The following TDRD7 variants were observed in gnomAD, a reference collection of about 807,000 sequenced individuals.
TDRD7 encodes the protein tudor domain containing 7.
In TDRD7, 47 loss-of-function variants were observed where a neutral mutation model predicts 109.8. The ratio of observed to expected loss-of-function variants is 0.43; its 90% CI spans 0.34 to 0.55. The LOEUF is 0.55. Among genes scored for constraint, TDRD7 ranks in the 20% least tolerant of loss-of-function variants. The pLI is 0.03. For missense variants in TDRD7, 1,164 were observed against 1,319.2 expected (o/e 0.88, Z 1.82); for synonymous variants, 424 against 457.3 (o/e 0.93, Z 0.93).
Position 97,432,204 on chromosome 9 carries a change from G to C in TDRD7, c.529G>C (p.Val177Leu). ...AAATGAAGCATTCAAAGACATTCCA[G>C]TGCAAAGGCATGTGACCATGTCCAC... ...LGNEAFKDIP[V>L]QRHVTMSTNN... The change falls in exon 4 of 17, where the codon GTG becomes CTG. Residue 177 changes from valine (V) to leucine (L), a missense_variant. By Grantham distance (32) the Val-to-Leu change is conservative. This residue lies in a region of TDRD7 where 407 missense variants were observed against 394.0 expected (regional missense o/e 1.03). Transcript: ENST00000355295. 1.2e-6 allele frequency: 2 copies of C among 1,613,774 alleles called. No individual in the cohort carries two copies. Among genetic ancestry groups the C allele is most frequent in the Non-Finnish European group, 1.7e-6 (2 of 1,179,732 alleles).
At chr9:97,482,815 G>A (rs1280625614) in intron 14 of TDRD7, 34 bp from the exon 15 acceptor site, 3 of 1,610,284 alleles carry the variant, frequency 1.9e-6, no homozygotes, top group African/African-American at 1.3e-5. Flanking sequence ...ATGTGAACTT[G>A]TATTTCTTAT....
intron 9 of TDRD7, among the ~76,000 whole-genome samples, chr9:97,471,724 A>G (rs566661518): frequency 5.2e-4 from 79 of 152,344 alleles, no homozygotes; most frequent in African/African-American, 1.8e-3. Flanking sequence ...ATAATTTTCT[A>G]AGAATTTAAA....
chr9:97,445,574 G>A (rs1367396709), intron 6 of TDRD7, among the ~76,000 whole-genome samples: 2 of 152,198 alleles, frequency 1.3e-5, no homozygotes, highest in African/African-American at 2.4e-5. Context: ...GTTAGTGTGA[G>A]TTAGGTAAAG....
intron 6 of TDRD7, among the ~76,000 whole-genome samples, chr9:97,450,974 C>T (rs1044245748): frequency 2.0e-5 from 3 of 151,004 alleles, no homozygotes; most frequent in African/African-American, 4.9e-5. Context: ...TGGGGCTGGT[C>T]ACCAGAAAGA....
Position 97,431,170 on chromosome 9 carries a change from T to C in TDRD7, c.349+96T>C, listed in dbSNP as rs1828098354. The C allele has an allele frequency of 3.2e-6, 5 of 1,547,070 alleles. No homozygotes were observed. The South Asian group carries it at 5.6e-5, about 17-fold the overall frequency. On this transcript the variant is annotated intron_variant, in intron 3 of 16. Transcript: ENST00000355295. ...TATTGTTTGTATTATGATAAATACT[T>C]GTATCTGTTAACATACATATGTCAG...
chr9:97,435,467 TAAAAA>T (rs11314747), intron 4 of TDRD7, among the ~76,000 whole-genome samples: 1 of 131,128 alleles, frequency 7.6e-6, no homozygotes, highest in South Asian at 2.5e-4. Context: ...TCATCTCTAC[TAAAAA>T]AAAAAAAAAA....
intron 4 of TDRD7, among the ~76,000 whole-genome samples, chr9:97,433,526 A>T (rs533191449): frequency 2.0e-5 from 3 of 152,258 alleles, no homozygotes; most frequent in Non-Finnish European, 4.4e-5. Flanking sequence ...ATGGGATTAC[A>T]TCAAGCTAAA....
At chr9:97,465,049 C>A in intron 8 of TDRD7, 21 bp downstream of exon 8, 1 of 1,609,258 alleles carries the variant, frequency 6.2e-7, no homozygotes, top group South Asian at 1.1e-5. Context: ...TTTACTTTGT[C>A]ATAGCATTAT....
At chr9:97,465,434 C>T (rs1828807545) in intron 8 of TDRD7, among the ~76,000 whole-genome samples, 1 of 152,216 alleles carries the variant, frequency 6.6e-6, no homozygotes, top group Non-Finnish European at 1.5e-5. Flanking sequence ...GTAGCCAAGA[C>T]ACAGGTCCTT....
chr9:97,419,511 A>C (rs1420132014), intron 1 of TDRD7, among the ~76,000 whole-genome samples: 1 of 152,204 alleles, frequency 6.6e-6, no homozygotes, highest in Non-Finnish European at 1.5e-5. Flanking sequence ...TTCAGCATTG[A>C]CATCTGGCAA....
intron 8 of TDRD7, among the ~76,000 whole-genome samples, chr9:97,465,797 ACTT>A (rs1828813665): frequency 6.6e-6 from 1 of 152,050 alleles, no homozygotes; most frequent in African/African-American, 2.4e-5. Context: ...TGGGCCTGCT[ACTT>A]GATAGAGAAT....
Position 97,412,776 on chromosome 9 carries a change from A to G in TDRD7, c.-7+538A>G, listed in dbSNP as rs1015906521. Among the ~76,000 whole-genome samples the G allele has an allele frequency of 6.6e-6, 1 of 152,122 alleles. No homozygotes were observed. The highest frequency in any genetic ancestry group is 1.5e-5 in the Non-Finnish European group (1 of 68,018). On this transcript the variant is annotated intron_variant, in intron 1 of 16. Transcript: ENST00000355295. This position sits in a 1 kb window ranked among gnomAD's most constrained non-coding sequence, Gnocchi z 4.3. ...TAAGTAATGCAGGACACACATCCCC[A>G]TTTCTCTCAAACGAGGAGCACCCAG...
intron 12 of TDRD7, among the ~76,000 whole-genome samples, chr9:97,475,682 T>A (rs1159972992): frequency 6.6e-6 from 1 of 152,212 alleles, no homozygotes; most frequent in Non-Finnish European, 1.5e-5. Context: ...CAGTTTCATT[T>A]GTGTTTTTCT....
intron 6 of TDRD7, among the ~76,000 whole-genome samples, chr9:97,458,805 A>G (rs1056738713): frequency 2.0e-5 from 3 of 152,220 alleles, no homozygotes; most frequent in African/African-American, 7.2e-5. Flanking sequence ...CAAGTTGCCT[A>G]TGTCTTTTAA....
chr9:97,436,801 A>G (rs1264168457), intron 4 of TDRD7, among the ~76,000 whole-genome samples: 3 of 152,132 alleles, frequency 2.0e-5, no homozygotes, highest in Non-Finnish European at 4.4e-5. Context: ...CAGTCATTAC[A>G]CAATCCTTTC....
At position 97,429,418 on chromosome 9, in the gene TDRD7, G is replaced by A. The variant is rs571756787; in HGVS notation, c.207+746G>A. On this transcript the variant is annotated intron_variant, in intron 2 of 16. Coordinates refer to ENST00000355295, the MANE Select transcript of TDRD7 (RefSeq NM_014290.3). ...CACCCACACCCCCTCATACACTATG[G>A]TTTCCTGGGTATGTTTCTACATGTG... Among the ~76,000 whole-genome samples, 6 of 152,222 alleles carry A rather than the reference G, an allele frequency of 3.9e-5. No individual in the cohort carries two copies. The East Asian group carries it at 1.2e-3, about 29-fold the overall frequency.
At chr9:97,469,883 C>CCT (rs1182242610) in intron 8 of TDRD7, among the ~76,000 whole-genome samples, 1 of 152,170 alleles carries the variant, frequency 6.6e-6, no homozygotes, top group Non-Finnish European at 1.5e-5. Flanking sequence ...CAAACACAGA[C>CCT]CTCTGTTCAG....
chr9:97,473,303 A>G (rs1828954126), intron 10 of TDRD7, among the ~76,000 whole-genome samples, 189 bp from the exon 11 acceptor site: 1 of 152,190 alleles, frequency 6.6e-6, no homozygotes, highest in African/African-American at 2.4e-5. Flanking sequence ...CATTTCTTTT[A>G]AAAAGAAAAG....
chr9:97,473,503 G>C lies in TDRD7; in HGVS notation c.1956G>C (p.Met652Ile). ...SLEVHLQVDA[M>I]YTNVKVTNIC... ...TTTGTCTGTTATAGGTTGACGCCAT[G>C]TACACAAATGTCAAAGTAACTAATA... Residue 652 changes from methionine (M) to isoleucine (I), a missense_variant, in exon 11 of 17, where the codon ATG becomes ATC. Physicochemically the swap from Met to Ile is conservative, Grantham distance 10 (BLOSUM62 1). Coordinates refer to ENST00000355295, the MANE Select transcript of TDRD7 (RefSeq NM_014290.3). The C allele has an allele frequency of 6.2e-6, 10 of 1,613,670 alleles. No homozygotes were observed. Among genetic ancestry groups the C allele is most frequent in the Non-Finnish European group, 8.5e-6 (10 of 1,179,680 alleles).
Sources: gnomAD v4.1 joint callset for allele counts (sites outside exome capture counted in the v4.1 genomes callset) on GRCh38, gnomAD v4.1.1 for gene constraint, gnomAD v4.1.1 regional missense constraint, Gnocchi (gnomAD v3.1) non-coding constraint, MANE v1.5 for transcripts, NCBI Gene and HGNC (gene_info 2026-07-23, HGNC 2026-07-21) for gene names.